The following SPAST variants were observed in gnomAD, a reference collection of about 807,000 sequenced individuals.
SPAST encodes spastic paraplegia 4 (autosomal dominant; spastin).
Under a neutral mutation model 76.6 loss-of-function variants are expected in SPAST, and 30 were observed. The ratio of observed to expected loss-of-function variants is 0.39; its 90% CI spans 0.29 to 0.53. The LOEUF (loss-of-function observed/expected upper bound fraction) is 0.53, where lower values mean the gene tolerates loss of function less well. Among genes scored for constraint, SPAST ranks in the 20% least tolerant of loss-of-function variants. SPAST has a pLI of 0.68. For synonymous variants in SPAST, 305 were observed against 281.0 expected (o/e 1.09, Z -0.86); for missense variants, 717 against 770.5 (o/e 0.93, Z 0.82).
At chr2:32,079,245 G>A (rs958414269) in intron 1 of SPAST, among the ~76,000 whole-genome samples, 5 of 152,080 alleles carry the variant, frequency 3.3e-5, no homozygotes, top group African/African-American at 2.4e-5. Flanking sequence ...GGCTGGGTGC[G>A]GTGGCTCACG....
intron 4 of SPAST, among the ~76,000 whole-genome samples, 159 bp from the exon 5 acceptor site, chr2:32,114,479 C>T (rs1228503214): frequency 6.6e-6 from 1 of 152,218 alleles, no homozygotes; most frequent in East Asian, 1.9e-4. Flanking sequence ...CTAGTGACCA[C>T]CCCTATGAAG....
chr2:32,148,382 A>T (rs1679962945), intron 16 of SPAST, among the ~76,000 whole-genome samples: 1 of 152,114 alleles, frequency 6.6e-6, no homozygotes, highest in Non-Finnish European at 1.5e-5. Context: ...AAACAGAAGA[A>T]AATTACAGGC....
chr2:32,144,945 A>T lies in SPAST; in HGVS notation c.1625A>T (p.Asp542Val). 6.2e-7 allele frequency: 1 copy of T among 1,611,890 alleles called. No homozygotes were observed. The part of the protein sequence containing the change: ...KELAQLARMT[D>V]GYSGSDLTAL... ...TTCCTTCCCTTCCTCAGAATGACTG[A>T]TGGATACTCAGGAAGTGACCTAACA... Residue 542 changes from aspartate to valine, a missense_variant, in exon 15 of 17, where the codon GAT becomes GTT. Around this residue, in one of 3 missense-constraint regions of SPAST, gnomAD observed 96 missense variants for 127.6 expected, o/e 0.75. Coordinates refer to ENST00000315285, the MANE Select transcript of SPAST (RefSeq NM_014946.4).
intron 1 of SPAST, among the ~76,000 whole-genome samples, chr2:32,078,641 C>A (rs1283726530): frequency 6.6e-6 from 1 of 152,002 alleles, no homozygotes; most frequent in African/African-American, 2.4e-5. Flanking sequence ...CAGAGTGAGA[C>A]CCTGTCTCTA....
At position 32,063,620 on chromosome 2, in the gene SPAST, C is replaced by T; in HGVS notation, c.-212C>T. On this transcript the variant is annotated 5_prime_UTR_variant, in exon 1 of 17. Coordinates refer to ENST00000315285, the MANE Select transcript of SPAST (RefSeq NM_014946.4). ...GCGACAGGAAGGGAGGGGCCCGAGCCACCGACTGCAGGAGGAGAAGGGGTT... is the reference window on the plus strand; with the variant it reads ...GCGACAGGAAGGGAGGGGCCCGAGCTACCGACTGCAGGAGGAGAAGGGGTT... 3.3e-6 allele frequency: 2 copies of T among 600,252 alleles called. No homozygotes were observed. Among genetic ancestry groups the T allele is most frequent in the South Asian group, 2.1e-5 (1 of 47,524 alleles). 37.2% of individuals were successfully genotyped at this position (600,252 alleles called of 1,614,324 possible).
At chr2:32,136,733 G>A (rs1679548320) in intron 10 of SPAST, 95 bp downstream of exon 10, 3 of 1,332,326 alleles carry the variant, frequency 2.3e-6, no homozygotes, top group Non-Finnish European at 3.2e-6. Flanking sequence ...TCAGAAGGAA[G>A]AAGTTTTAAA....
chr2:32,122,912 A>G (rs1213521705), intron 7 of SPAST, among the ~76,000 whole-genome samples: 2 of 152,204 alleles, frequency 1.3e-5, no homozygotes, highest in Non-Finnish European at 2.9e-5. Context: ...CAAAGTTAAT[A>G]TACAAAGTCA....
intron 16 of SPAST, among the ~76,000 whole-genome samples, chr2:32,150,239 ATTTTTTT>A (rs11363493): frequency 9.6e-4 from 64 of 66,592 alleles, no homozygotes; most frequent in African/African-American, 3.2e-3. Flanking sequence ...CGCCCAGCTA[ATTTTTTT>A]TTTTTTTTTT....
intron 9 of SPAST, among the ~76,000 whole-genome samples, chr2:32,132,639 C>T (rs1038258411): frequency 1.3e-5 from 2 of 151,862 alleles, no homozygotes; most frequent in South Asian, 4.1e-4. Flanking sequence ...TCTATGGTCT[C>T]ATGCCAGTTT....
chr2:32,089,780 T>C (rs1356726690), intron 3 of SPAST, among the ~76,000 whole-genome samples, 175 bp downstream of exon 3: 1 of 152,184 alleles, frequency 6.6e-6, no homozygotes, highest in African/African-American at 2.4e-5. Context: ...CTTTTTTTTT[T>C]TGAGATGGAC....
chr2:32,117,265 A>C (rs1326695331), intron 7 of SPAST, among the ~76,000 whole-genome samples: 1 of 152,092 alleles, frequency 6.6e-6, no homozygotes, highest in Non-Finnish European at 1.5e-5. Context: ...AAAATAAATA[A>C]AAATTTAAAA....
At chr2:32,113,125 T>A (rs1384956715) in intron 4 of SPAST, among the ~76,000 whole-genome samples, 1 of 152,038 alleles carries the variant, frequency 6.6e-6, no homozygotes, top group Non-Finnish European at 1.5e-5. Context: ...TAAAATTGAT[T>A]ATTATTATTA....
At chr2:32,147,404 C>A (rs1185089216) in intron 16 of SPAST, 146 bp downstream of exon 16, 1 of 568,218 alleles carries the variant, frequency 1.8e-6, no homozygotes, top group African/African-American at 2.1e-5. Context: ...CTCACTGCAA[C>A]CTCCACCTCC....
chr2:32,093,272 C>G (rs1353252931), intron 3 of SPAST, among the ~76,000 whole-genome samples: 1 of 135,082 alleles, frequency 7.4e-6, no homozygotes, highest in Non-Finnish European at 1.5e-5. Context: ...GATCCCGCCA[C>G]TGCACTCCAG....
intron 4 of SPAST, among the ~76,000 whole-genome samples, chr2:32,108,731 G>T (rs1202213680): frequency 1.4e-5 from 2 of 141,618 alleles, no homozygotes; most frequent in African/African-American, 5.2e-5. Flanking sequence ...GATTATAGGT[G>T]TGAGCTACTG....
chr2:32,078,986 T>G (rs544581425), intron 1 of SPAST, among the ~76,000 whole-genome samples: 4 of 152,044 alleles, frequency 2.6e-5, no homozygotes, highest in Non-Finnish European at 5.9e-5. Context: ...TACAGGTACA[T>G]GTCACCACGC....
chr2:32,144,702 A>G (rs1679828230), intron 14 of SPAST, among the ~76,000 whole-genome samples: 1 of 152,104 alleles, frequency 6.6e-6, no homozygotes, highest in Non-Finnish European at 1.5e-5. Flanking sequence ...CCTGACCAAC[A>G]TGGCGAAACG....
At chr2:32,093,004 C>G (rs1306812379) in intron 3 of SPAST, among the ~76,000 whole-genome samples, 1 of 102,736 alleles carries the variant, frequency 9.7e-6, no homozygotes, top group Non-Finnish European at 1.9e-5. Flanking sequence ...GAGACTCCGT[C>G]TCAAAAAAAA....
In SPAST at chr2:32,156,027, G is replaced by A. The variant is rs971890416; in HGVS notation, c.*1531G>A. The A allele has an allele frequency of 1.3e-5, 2 of 151,110 alleles. No homozygotes were observed. The highest frequency in any genetic ancestry group is 4.9e-5 in the African/African-American group (2 of 41,188). 9.4% of individuals were successfully genotyped at this position (151,110 alleles called of 1,614,324 possible). On this transcript the variant is annotated 3_prime_UTR_variant, in exon 17 of 17. Coordinates refer to ENST00000315285, the MANE Select transcript of SPAST (RefSeq NM_014946.4). Reference sequence around the variant, plus strand: ...AAAGATTTGTTTGAATATAGAAGATGCATGATTTCTGGGTTTTTTTTTTTT... The same window carrying A: ...AAAGATTTGTTTGAATATAGAAGATACATGATTTCTGGGTTTTTTTTTTTT...
Sources: allele counts gnomAD v4.1 joint callset (sites outside exome capture counted in the v4.1 genomes callset), GRCh38; gene constraint gnomAD v4.1.1; regional missense constraint gnomAD v4.1.1; transcripts MANE v1.5; gene names NCBI Gene and HGNC (gene_info 2026-07-23, HGNC 2026-07-21).